The following FNDC3B variants were observed in gnomAD, a reference collection of about 807,000 sequenced individuals.
FNDC3B encodes the protein fibronectin type III domain containing 3B.
A neutral mutation model predicts 151.5 loss-of-function variants in FNDC3B; 12 were observed. The ratio of observed to expected loss-of-function variants is 0.08; its 90% CI spans 0.05 to 0.13. FNDC3B has a LOEUF of 0.13. Ranked by LOEUF, FNDC3B falls within the 10% of genes least tolerant of loss-of-function variation. The pLI, the probability that FNDC3B is intolerant of heterozygous loss-of-function variation, is 1.00. For missense variants in FNDC3B, 1,214 were observed against 1,505.3 expected (o/e 0.81, Z 3.20); for synonymous variants, 528 against 549.0 (o/e 0.96, Z 0.54).
chr3:172,161,473 C>T (rs1722763417), intron 3 of FNDC3B, among the ~76,000 whole-genome samples: 1 of 152,196 alleles, frequency 6.6e-6, no homozygotes, highest in African/African-American at 2.4e-5. Flanking sequence ...CTGGCCCAGC[C>T]TCTGATGAAT....
Position 172,206,840 on chromosome 3 carries a change from A to T in FNDC3B, c.188-20031A>T, listed in dbSNP as rs192132914. On this transcript the variant is annotated intron_variant, in intron 3 of 25. Transcript: ENST00000415807. ...TATTGACCACATGAAACCTATCAAG[A>T]TGTTTTAGTATATTGGGTTTGCTAT... Among the ~76,000 whole-genome samples, 679 of 152,264 alleles carry T rather than the reference A, an allele frequency of 4.5e-3. 3 individuals carry two copies. The highest frequency in any genetic ancestry group is 0.015 in the African/African-American group (642 of 41,556).
chr3:172,217,919 G>A (rs192404308), intron 3 of FNDC3B, among the ~76,000 whole-genome samples: 2 of 152,240 alleles, frequency 1.3e-5, no homozygotes, highest in East Asian at 1.9e-4. Flanking sequence ...AAATGGCCAG[G>A]TGAGAAGATG....
intron 3 of FNDC3B, among the ~76,000 whole-genome samples, chr3:172,205,803 T>G (rs1482310253): frequency 7.9e-5 from 12 of 152,234 alleles, no homozygotes; most frequent in Non-Finnish European, 1.5e-4. Flanking sequence ...TCTTTGTTTT[T>G]GTCACAGAAA....
intron 11 of FNDC3B, among the ~76,000 whole-genome samples, chr3:172,319,287 T>C (rs1731967573): frequency 6.6e-6 from 1 of 152,208 alleles, no homozygotes; most frequent in Non-Finnish European, 1.5e-5. Context: ...TAACAGTCTG[T>C]TCTGAAATTA....
chr3:172,236,432 T>C (rs1560032242), intron 4 of FNDC3B, among the ~76,000 whole-genome samples: 1 of 152,230 alleles, frequency 6.6e-6, no homozygotes, highest in Non-Finnish European at 1.5e-5. Flanking sequence ...TTAGATCTTC[T>C]GAGTTTTATG....
intron 6 of FNDC3B, among the ~76,000 whole-genome samples, chr3:172,285,370 A>G (rs1729954534): frequency 6.6e-6 from 1 of 152,206 alleles, no homozygotes; most frequent in Non-Finnish European, 1.5e-5. Context: ...CGTTGTTCAC[A>G]CAGAAGACAA....
chr3:172,115,477 C>T (rs1285684969), intron 2 of FNDC3B, among the ~76,000 whole-genome samples: 1 of 152,146 alleles, frequency 6.6e-6, no homozygotes, highest in Non-Finnish European at 1.5e-5. Flanking sequence ...TTGCTGCCTG[C>T]CCTTAAGAGC....
At chr3:172,366,086 G>A (rs577470461) in intron 23 of FNDC3B, among the ~76,000 whole-genome samples, 247 of 152,116 alleles carry the variant, frequency 1.6e-3, no homozygotes, top group African/African-American at 5.8e-3. Context: ...TTTAGTTTCT[G>A]CTATTCATAA....
chr3:172,141,567 G>A (rs1424546992), intron 3 of FNDC3B, among the ~76,000 whole-genome samples: 1 of 152,190 alleles, frequency 6.6e-6, no homozygotes, highest in Non-Finnish European at 1.5e-5. Flanking sequence ...TGGGCATAGT[G>A]GCTCACGCCT....
At chr3:172,143,769 C>G (rs183573075) in intron 3 of FNDC3B, among the ~76,000 whole-genome samples, 8 of 151,924 alleles carry the variant, frequency 5.3e-5, no homozygotes, top group Non-Finnish European at 7.4e-5. Context: ...ATTAGCTGGG[C>G]GTGGTGGCAC....
At chr3:172,041,689 G>A (rs1716083476) in intron 1 of FNDC3B, among the ~76,000 whole-genome samples, 1 of 152,070 alleles carries the variant, frequency 6.6e-6, no homozygotes, top group Non-Finnish European at 1.5e-5. Context: ...TGCCGGAGTT[G>A]CTCCTCCACC....
At chr3:172,148,521 A>G (rs1302160103) in intron 3 of FNDC3B, 2 of 152,218 alleles carry the variant, frequency 1.3e-5, no homozygotes, top group East Asian at 3.8e-4. Flanking sequence ...AATGATCTGG[A>G]ACTGAGGAAC....
chr3:172,230,290 C>T (rs1331920994), intron 4 of FNDC3B, among the ~76,000 whole-genome samples: 1 of 150,022 alleles, frequency 6.7e-6, no homozygotes, highest in Admixed American at 6.7e-5. Context: ...GTCTGAAGTT[C>T]GAGACCAGCC....
intron 25 of FNDC3B, among the ~76,000 whole-genome samples, chr3:172,385,287 C>T (rs1479304075): frequency 6.6e-6 from 1 of 152,184 alleles, no homozygotes; most frequent in East Asian, 1.9e-4. Flanking sequence ...TGCTGTACAT[C>T]CACCACAGCG....
rs151091889 is a variant in FNDC3B at position 172,189,085 on chromosome 3, C to T, written c.188-37786C>T. Among the ~76,000 whole-genome samples the T allele has an allele frequency of 1.1e-3, 164 of 152,240 alleles. 1 individual carries two copies. The highest frequency in any genetic ancestry group is 3.7e-3 in the African/African-American group (154 of 41,550). On this transcript the variant is annotated intron_variant, in intron 3 of 25. Coordinates refer to ENST00000415807, the MANE Select transcript of FNDC3B (RefSeq NM_022763.4). The stretch of plus-strand genomic sequence containing the variant: ...GGGGAACTGTAAGTATTTCTTTTAG[C>T]ATTAATGCTTGTTTCCAAGAAATGG...
At chr3:172,199,702 AC>A (rs1299670799) in intron 3 of FNDC3B, among the ~76,000 whole-genome samples, 3 of 152,288 alleles carry the variant, frequency 2.0e-5, no homozygotes, top group Admixed American at 2.0e-4. Flanking sequence ...CTAAACAAAG[AC>A]CCCAAACATT....
chr3:172,149,806 G>GTTTTTT lies in FNDC3B; in HGVS notation c.187+16285_187+16290dup, dbSNP rs10561622. 4.1e-3 allele frequency among the ~76,000 whole-genome samples: 213 copies of GTTTTTT among 52,500 alleles called. 42 individuals are homozygous for GTTTTTT. The highest frequency in any genetic ancestry group is 0.015 in the African/African-American group (196 of 12,768). The allele number at this position is 52,500 out of a possible 152,430, so 34.4% of individuals were successfully genotyped here. A position where few individuals can be genotyped will look rare whatever the true frequency, so the allele number is the denominator to read the frequency against. On this transcript the variant is annotated intron_variant, in intron 3 of 25. Coordinates refer to ENST00000415807, the MANE Select transcript of FNDC3B (RefSeq NM_022763.4). ...TGTGTATACCTTTTGTATGTTGGGTGTTTTTTTTTTTTTTTTTTTTTTTTT... is the reference window on the plus strand; with the variant it reads ...TGTGTATACCTTTTGTATGTTGGGTGTTTTTTTTTTTTTTTTTTTTTTTTTTTTTTT...
intron 9 of FNDC3B, among the ~76,000 whole-genome samples, chr3:172,303,664 C>T (rs565021093): frequency 2.0e-5 from 3 of 152,078 alleles, no homozygotes; most frequent in Admixed American, 6.5e-5. Context: ...AGAAACTGAC[C>T]GTACTCTACA....
At chr3:172,047,342 G>A (rs1167383058) in intron 1 of FNDC3B, among the ~76,000 whole-genome samples, 1 of 152,164 alleles carries the variant, frequency 6.6e-6, no homozygotes, top group South Asian at 2.1e-4. Context: ...TAACGCCATT[G>A]TTCTAGATGT....
Sources: gnomAD v4.1 joint callset for allele counts (sites outside exome capture counted in the v4.1 genomes callset) on GRCh38, gnomAD v4.1.1 for gene constraint, MANE v1.5 for transcripts, NCBI Gene and HGNC (gene_info 2026-07-23, HGNC 2026-07-21) for gene names.